CDH20: variants seen among roughly 807,000 people sequenced by gnomAD.
The protein encoded by CDH20 is cadherin 20.
CDH20 carries 29 observed loss-of-function variants against 74.2 expected under a neutral mutation model. That is an observed-to-expected ratio of 0.39 (90% confidence interval 0.29 to 0.53). The LOEUF is 0.53. Ranked by LOEUF, CDH20 falls within the 20% of genes least tolerant of loss-of-function variation. CDH20 has a pLI of 0.69. For synonymous variants in CDH20, 469 were observed against 405.4 expected (o/e 1.16, Z -1.88); for missense variants, 988 against 1,048.3 (o/e 0.94, Z 0.79).
Position 61,507,408 on chromosome 18 carries a change from A to G in CDH20, c.865A>G (p.Ile289Val), listed in dbSNP as rs1362993582. Residue 289 changes from isoleucine to valine, a missense_variant, in exon 6 of 12, where the codon ATT becomes GTT. By Grantham distance (29) the Ile-to-Val change is conservative. This residue lies in a region of CDH20 where 613 missense variants were observed against 755.2 expected (regional missense o/e 0.81). Coordinates refer to ENST00000262717, the MANE Select transcript of CDH20 (RefSeq NM_031891.4). ...GATGAGTGTGTTGGAATCAGCTCCAATTAGCTCCACTGTCGGGAGAGTGTT... is the reference window on the plus strand; with the variant it reads ...GATGAGTGTGTTGGAATCAGCTCCAGTTAGCTCCACTGTCGGGAGAGTGTT... ...YQMSVLESAP[I>V]SSTVGRVFAK... The G allele has an allele frequency of 1.2e-6, 2 of 1,614,062 alleles. No homozygotes were observed. The highest frequency in any genetic ancestry group is 8.5e-7 in the Non-Finnish European group (1 of 1,179,970).
chr18:61,343,512 A>C (rs1208044410), intron 1 of CDH20, among the ~76,000 whole-genome samples: 1 of 152,164 alleles, frequency 6.6e-6, no homozygotes, highest in African/African-American at 2.4e-5. Flanking sequence ...TCAGGCCTTT[A>C]GATACCCAGT....
intron 1 of CDH20, among the ~76,000 whole-genome samples, chr18:61,336,055 T>C (rs1007695900): frequency 5.9e-5 from 9 of 152,132 alleles, no homozygotes; most frequent in African/African-American, 2.2e-4. Flanking sequence ...CTGTAGTAAG[T>C]GCTGAGGGTT....
chr18:61,392,156 C>G (rs913071313), intron 1 of CDH20, among the ~76,000 whole-genome samples: 3 of 152,104 alleles, frequency 2.0e-5, no homozygotes, highest in African/African-American at 7.2e-5. Flanking sequence ...GCTCTAGTGA[C>G]CTTTTCAGTT....
In CDH20 at chr18:61,554,356, G is replaced by A. The variant is rs1387244326; in HGVS notation, c.2067G>A (p.Ala689=). The A allele has an allele frequency of 3.7e-6, 6 of 1,613,028 alleles. No individual in the cohort carries two copies. The East Asian group carries it at 8.9e-5, about 24-fold the overall frequency. The change falls in exon 12 of 12, where the codon GCG becomes GCA. Residue 689 remains alanine, a synonymous_variant. Coordinates refer to ENST00000262717, the MANE Select transcript of CDH20 (RefSeq NM_031891.4). Reference sequence around the variant, plus strand: ...CGGCCATGTGGAACCCCCGGGAGGCGCAGGCGGGGGCCGCCCCCAAGACGC... The same window carrying A: ...CGGCCATGTGGAACCCCCGGGAGGCACAGGCGGGGGCCGCCCCCAAGACGC... ...DIAAMWNPRE[A]QAGAAPKTRQ... is the part of the protein sequence containing the mutation.
chr18:61,414,628 T>A (rs1194108733), intron 1 of CDH20, among the ~76,000 whole-genome samples: 7 of 152,228 alleles, frequency 4.6e-5, no homozygotes, highest in Non-Finnish European at 2.9e-5. Context: ...TATAGTATAG[T>A]AATTCTGTCT....
At chr18:61,486,966 T>C (rs1366274406) in intron 1 of CDH20, among the ~76,000 whole-genome samples, 1 of 152,216 alleles carries the variant, frequency 6.6e-6, no homozygotes, top group Non-Finnish European at 1.5e-5. Context: ...CCCCACTACA[T>C]TTTAAATATC....
intron 1 of CDH20, among the ~76,000 whole-genome samples, chr18:61,371,038 T>A (rs1911021047): frequency 6.6e-6 from 1 of 152,088 alleles, no homozygotes; most frequent in Non-Finnish European, 1.5e-5. Flanking sequence ...TACAACTCTT[T>A]GTTGATGGGG....
At chr18:61,372,270 C>T (rs553364778) in intron 1 of CDH20, among the ~76,000 whole-genome samples, 1 of 152,078 alleles carries the variant, frequency 6.6e-6, no homozygotes, top group African/African-American at 2.4e-5. Context: ...TTCATTTTGT[C>T]CTAAATTTCA....
Position 61,461,423 on chromosome 18 carries a change from C to A in CDH20, c.-152-28979C>A, listed in dbSNP as rs183373389. 1.3e-3 allele frequency among the ~76,000 whole-genome samples: 196 copies of A among 152,036 alleles called. 1 individual carries two copies. The highest frequency in any genetic ancestry group is 4.5e-3 in the African/African-American group (186 of 41,520). On this transcript the variant is annotated intron_variant, in intron 1 of 11. Coordinates refer to ENST00000262717, the MANE Select transcript of CDH20 (RefSeq NM_031891.4). The stretch of plus-strand genomic sequence containing the variant: ...TGTTGGGAGGACCATGCTCCCTCCA[C>A]AGCCACTAGGGGAGGAGCTGCCTTG...
chr18:61,438,246 G>C (rs1908901361), intron 1 of CDH20, among the ~76,000 whole-genome samples: 2 of 152,098 alleles, frequency 1.3e-5, no homozygotes, highest in African/African-American at 4.8e-5. Flanking sequence ...CTGACAATGA[G>C]TGTTTCTAAG....
chr18:61,535,393 G>T (rs772201425), intron 7 of CDH20, among the ~76,000 whole-genome samples: 9 of 152,112 alleles, frequency 5.9e-5, no homozygotes, highest in Non-Finnish European at 1.2e-4. Flanking sequence ...GGTTCTCATT[G>T]ATGGTTCTCA....
At chr18:61,407,492 G>A (rs1288484348) in intron 1 of CDH20, among the ~76,000 whole-genome samples, 1 of 152,132 alleles carries the variant, frequency 6.6e-6, no homozygotes, top group African/African-American at 2.4e-5. Flanking sequence ...AATTGTATTG[G>A]CCCTTACAAA....
At chr18:61,363,431 TA>T (rs1260426633) in intron 1 of CDH20, among the ~76,000 whole-genome samples, 1 of 152,182 alleles carries the variant, frequency 6.6e-6, no homozygotes, top group African/African-American at 2.4e-5. Context: ...AGCTAACTTA[TA>T]GTGGGGGAAA....
intron 1 of CDH20, among the ~76,000 whole-genome samples, chr18:61,436,958 TGAA>T (rs1599084508): frequency 2.0e-5 from 3 of 152,210 alleles, no homozygotes; most frequent in East Asian, 3.9e-4. Context: ...TGCGTGTAAA[TGAA>T]GAATAAAAAA....
intron 1 of CDH20, among the ~76,000 whole-genome samples, chr18:61,445,712 A>G (rs1172403367): frequency 1.3e-5 from 2 of 152,214 alleles, no homozygotes; most frequent in Non-Finnish European, 2.9e-5. Context: ...CCAATTTTCT[A>G]TTGCTACAAA....
At chr18:61,470,352 C>T (rs1313159986) in intron 1 of CDH20, among the ~76,000 whole-genome samples, 1 of 152,224 alleles carries the variant, frequency 6.6e-6, no homozygotes, top group Admixed American at 6.5e-5. Flanking sequence ...CCTTGTTCCC[C>T]TATTCCCTCC....
At chr18:61,408,073 C>T (rs1162984093) in intron 1 of CDH20, among the ~76,000 whole-genome samples, 4 of 151,694 alleles carry the variant, frequency 2.6e-5, no homozygotes, top group Non-Finnish European at 5.9e-5. Flanking sequence ...TTTATAAAAT[C>T]AAAATCATTT....
At chr18:61,490,119 C>T (rs986361644) in intron 1 of CDH20, among the ~76,000 whole-genome samples, 9 of 152,068 alleles carry the variant, frequency 5.9e-5, no homozygotes, top group African/African-American at 2.2e-4. Context: ...ATCAATAATA[C>T]AGTATAACCC....
rs1255872306 is a variant in CDH20 at position 61,340,256 on chromosome 18, A to G, written c.-153+6429A>G. Among the ~76,000 whole-genome samples, 7 of 76,736 alleles carry G rather than the reference A, an allele frequency of 9.1e-5. No individual in the cohort carries two copies. The Admixed American group carries it at 1.2e-3, about 14-fold the overall frequency. The allele number at this position is 76,736 out of a possible 152,430, so 50.3% of individuals were successfully genotyped here. A position where few individuals can be genotyped will look rare whatever the true frequency, so the allele number is the denominator to read the frequency against. On this transcript the variant is annotated intron_variant, in intron 1 of 11. Transcript: ENST00000262717. ...TTTTTTAAAGGTCTGACCTTAGCTG[A>G]ATGAACAAGGTAGTCTTAGCATTTT...
Sources: gnomAD v4.1 joint callset for allele counts (sites outside exome capture counted in the v4.1 genomes callset) on GRCh38, gnomAD v4.1.1 for gene constraint, gnomAD v4.1.1 regional missense constraint, MANE v1.5 for transcripts, NCBI Gene and HGNC (gene_info 2026-07-23, HGNC 2026-07-21) for gene names.